The following DLL3 variants were observed in gnomAD, a reference collection of about 807,000 sequenced individuals.
DLL3 encodes delta-like protein 3.
Under a neutral mutation model 55.0 loss-of-function variants are expected in DLL3, and 49 were observed. That is an observed-to-expected ratio of 0.89 (90% CI 0.71 to 1.13). DLL3 has a LOEUF of 1.13. Among genes scored for constraint, DLL3 ranks in the 50% most tolerant of loss-of-function variants. The probability of loss-of-function intolerance (pLI) is 0.00; values close to 1 mark genes in which losing one functional copy is unlikely to be tolerated. For synonymous variants in DLL3, 421 were observed against 385.2 expected, an observed-to-expected ratio of 1.09 and a Z score of -1.09; for missense variants, 962 against 875.5, an observed-to-expected ratio of 1.10 and a Z score of -1.25.
chr19:39,505,677 T>C (rs2079636551), intron 6 of DLL3: 1 of 559,422 alleles, frequency 1.8e-6, no homozygotes, highest in Non-Finnish European at 3.2e-6. Context: ...GCACTGAGGA[T>C]ACAGCAGGGA....
At chr19:39,505,132 CTG>C (rs1375357526) in intron 5 of DLL3, 95 bp from the exon 6 acceptor site, 1 of 1,298,026 alleles carries the variant, frequency 7.7e-7, no homozygotes, top group Non-Finnish European at 1.1e-6. Flanking sequence ...GGACTTGAGA[CTG>C]GACAAGGAGC....
intron 3 of DLL3, among the ~76,000 whole-genome samples, chr19:39,502,256 C>A (rs1486585252): frequency 8.1e-6 from 1 of 123,786 alleles, no homozygotes; most frequent in Non-Finnish European, 1.9e-5. Flanking sequence ...TATGAGATAA[C>A]TGTTTATTTT....
At position 39,507,299 on chromosome 19, in the gene DLL3, G is replaced by A. The variant is rs776036444; in HGVS notation, c.1354G>A (p.Val452Ile). The change falls in exon 7 of 9, where the codon GTC (valine) becomes ATC (isoleucine). Residue 452 changes from valine to isoleucine, a missense_variant. Transcript: ENST00000356433. ...GRCYAHFSGL[V>I]CACAPGYMGA... The stretch of plus-strand genomic sequence containing the variant: ...CTGCTACGCCCACTTCTCCGGCCTC[G>A]TCTGCGCTTGCGCTCCCGGCTACAT... 104 of 1,552,622 alleles carry A rather than the reference G, an allele frequency of 6.7e-5. No homozygotes were observed. The East Asian group carries it at 2.4e-3, about 36-fold the overall frequency.
Position 39,502,881 on chromosome 19 carries a change from C to T in DLL3, c.476C>T (p.Ala159Val). The T allele has an allele frequency of 6.9e-7, 1 of 1,439,478 alleles. No homozygotes were observed. The highest frequency in any genetic ancestry group is 9.1e-7 in the Non-Finnish European group (1 of 1,102,334). The allele number at this position is 1,439,478 out of a possible 1,614,324, so 89.2% of individuals were successfully genotyped here. ...RRRLAAGGPW[A>V]RDIQRAGAWE... ...CGCTTGGCAGCCGGAGGCCCGTGGG[C>T]CCGGGACATTCAGCGCGCAGGCGCC... is the stretch of plus-strand genomic sequence containing the variant. The change falls in exon 4 of 9, where the codon GCC becomes GTC. Residue 159 changes from alanine to valine, a missense_variant. Physicochemically the swap from Ala to Val is moderately conservative, Grantham distance 64 (BLOSUM62 0). Transcript: ENST00000356433.
At chr19:39,503,604 C>A (rs2144760293) in intron 4 of DLL3, among the ~76,000 whole-genome samples, 1 of 152,308 alleles carries the variant, frequency 6.6e-6, no homozygotes, top group East Asian at 1.9e-4. Flanking sequence ...ATTCTTCAGA[C>A]TTCTCCCCAA....
At chr19:39,503,136 C>G (rs2079621053) in intron 4 of DLL3, 79 bp downstream of exon 4, 11 of 1,436,560 alleles carry the variant, frequency 7.7e-6, no homozygotes, top group Non-Finnish European at 1.0e-5. Context: ...GCCCCCAGTC[C>G]CCTCTCACAA....
intron 3 of DLL3, among the ~76,000 whole-genome samples, chr19:39,501,949 G>T (rs1331231052): frequency 6.6e-6 from 1 of 152,142 alleles, no homozygotes; most frequent in African/African-American, 2.4e-5. Context: ...ACTTTGGGAG[G>T]CCGAGGCGGG....
Position 39,500,725 on chromosome 19 carries a change from C to T in DLL3, c.409+53C>T, listed in dbSNP as rs1421763738. 87 of 1,523,502 alleles carry T rather than the reference C, an allele frequency of 5.7e-5. No individual in the cohort carries two copies. In the South Asian group the frequency reaches 6.6e-4, roughly 12 times the overall value. The allele number at this position is 1,523,502 out of a possible 1,614,324, so 94.4% of individuals were successfully genotyped here. A position where few individuals can be genotyped will look rare whatever the true frequency, so the allele number is the denominator to read the frequency against. The stretch of plus-strand genomic sequence containing the variant: ...GGGGAGCTGGGGCCCACGTGAGACA[C>T]GGGGTTGGTGGTGTTATCTATAGGT... On this transcript the variant is annotated intron_variant, in intron 3 of 8. Coordinates refer to ENST00000356433, the MANE Select transcript of DLL3 (RefSeq NM_203486.3).
chr19:39,503,042 G>GA lies in DLL3; in HGVS notation c.639dup (p.Cys214MetfsTer2). 1.3e-6 allele frequency: 2 copies of GA among 1,521,288 alleles called. No individual in the cohort carries two copies. Among genetic ancestry groups the GA allele is most frequent in the Non-Finnish European group, 1.8e-6 (2 of 1,141,126 alleles). 94.2% of individuals were successfully genotyped at this position (1,521,288 alleles called of 1,614,324 possible). ...GCGCCCCTGCGCACCGCTCGAGGAC[G>GA]AATGTGAGGCGCCGCGTGAGTCCTG... On this transcript the variant is annotated frameshift_variant, in exon 4 of 9. Transcript: ENST00000356433. LOFTEE classifies it high-confidence loss of function.
At position 39,498,958 on chromosome 19, in the gene DLL3, C is replaced by A. The variant is rs2079592372; in HGVS notation, c.-17C>A. 3 of 1,613,888 alleles carry A rather than the reference C, an allele frequency of 1.9e-6. No homozygotes were observed. Among genetic ancestry groups the A allele is most frequent in the Non-Finnish European group, 2.5e-6 (3 of 1,179,950 alleles). On this transcript the variant is annotated 5_prime_UTR_variant, in exon 1 of 9. Coordinates refer to ENST00000356433, the MANE Select transcript of DLL3 (RefSeq NM_203486.3). Reference sequence around the variant, plus strand: ...AGCCAGCAGCTGCGACTCCCGAGACCCCCCCACCAGAAGGCCATGGTCTCC... The same window carrying A: ...AGCCAGCAGCTGCGACTCCCGAGACACCCCCACCAGAAGGCCATGGTCTCC...
chr19:39,505,191 A>G (rs1419307834), intron 5 of DLL3, 38 bp from the exon 6 acceptor site: 1 of 1,606,834 alleles, frequency 6.2e-7, no homozygotes. Context: ...TTTTTCTCCA[A>G]GGAAACACCC....
In DLL3 at chr19:39,508,300, T is replaced by C. The variant is rs779826940; in HGVS notation, c.*43T>C. On this transcript the variant is annotated 3_prime_UTR_variant, in exon 9 of 9. Coordinates refer to ENST00000356433, the MANE Select transcript of DLL3 (RefSeq NM_203486.3). ...CACCTGGAGTCAGAGCGTGGATTTT[T>C]GTATTTGCTCGGTGGTGCCCAGTCT... The C allele has an allele frequency of 1.2e-6, 2 of 1,612,226 alleles. No individual in the cohort carries two copies. Among genetic ancestry groups the C allele is most frequent in the African/African-American group, 2.7e-5 (2 of 74,890 alleles).
rs1372730837 is a variant in DLL3, at chr19:39,507,260, G to C, written c.1315G>C (p.Ala439Pro). The part of the protein sequence containing the change: ...RADPCAARPC[A>P]HGGRCYAHFS... ...GGACCCGTGCGCCGCGCGCCCCTGTGCTCACGGCGGCCGCTGCTACGCCCA... is the reference window on the plus strand; with the variant it reads ...GGACCCGTGCGCCGCGCGCCCCTGTCCTCACGGCGGCCGCTGCTACGCCCA... The change falls in exon 7 of 9, where the codon GCT becomes CCT. Residue 439 changes from alanine (A) to proline (P), a missense_variant. Coordinates refer to ENST00000356433, the MANE Select transcript of DLL3 (RefSeq NM_203486.3). The C allele has an allele frequency of 1.3e-6, 2 of 1,528,846 alleles. No individual in the cohort carries two copies. Among genetic ancestry groups the C allele is most frequent in the Non-Finnish European group, 1.7e-6 (2 of 1,144,162 alleles). 94.7% of individuals were successfully genotyped at this position (1,528,846 alleles called of 1,614,324 possible). A position where few individuals can be genotyped will look rare whatever the true frequency, so the allele number is the denominator to read the frequency against.
At position 39,505,272 on chromosome 19, in the gene DLL3, ACGGGCTG is replaced by A. The variant is rs778821687; in HGVS notation, c.918_924del (p.Leu307ValfsTer3). On this transcript the variant is annotated frameshift_variant, in exon 6 of 9. Transcript: ENST00000356433. LOFTEE classifies it high-confidence loss of function. Reference sequence around the variant, plus strand: ...GAATGCACCTGCCCGCGTGGGTTCTACGGGCTGCGGTGTGAGGTGAGCGGGGTGACAT... The same window carrying A: ...GAATGCACCTGCCCGCGTGGGTTCTACGGTGTGAGGTGAGCGGGGTGACAT... 6.2e-7 allele frequency: 1 copy of A among 1,614,184 alleles called. No individual in the cohort carries two copies. Among genetic ancestry groups the A allele is most frequent in the Non-Finnish European group, 8.5e-7 (1 of 1,180,026 alleles).
At chr19:39,500,193 C>G (rs774053307) in intron 2 of DLL3, among the ~76,000 whole-genome samples, 122 of 151,028 alleles carry the variant, frequency 8.1e-4, no homozygotes, top group Middle Eastern at 3.4e-3. Context: ...TTTGGGAGGT[C>G]TAGGCAGGAG....
At position 39,508,308 on chromosome 19, in the gene DLL3, C is replaced by G. The variant is rs2079657278; in HGVS notation, c.*51C>G. On this transcript the variant is annotated 3_prime_UTR_variant, in exon 9 of 9. Transcript: ENST00000356433. ...GTCAGAGCGTGGATTTTTGTATTTGCTCGGTGGTGCCCAGTCTCTGCCCCA... is the reference window on the plus strand; with the variant it reads ...GTCAGAGCGTGGATTTTTGTATTTGGTCGGTGGTGCCCAGTCTCTGCCCCA... 6.2e-7 allele frequency: 1 copy of G among 1,604,700 alleles called. No homozygotes were observed. Among genetic ancestry groups the G allele is most frequent in the African/African-American group, 1.3e-5 (1 of 74,714 alleles).
chr19:39,500,879 G>GGGAA (rs1216175917), intron 3 of DLL3, among the ~76,000 whole-genome samples: 10 of 145,534 alleles, frequency 6.9e-5, no homozygotes, highest in African/African-American at 1.5e-4. Flanking sequence ...GACGAAGTAG[G>GGGAA]GGAAGCTCTC....
Position 39,507,190 on chromosome 19 carries a change from C to T in DLL3, c.1245C>T (p.Cys415=). ...TGGAGGGCGGCGGCGCGCACCGCTG[C>T]TCCTGCGCGCTGGGCTTCGGCGGCC... The part of the protein sequence containing the change: ...TCVEGGGAHR[C]SCALGFGGRD... The change falls in exon 7 of 9, where the codon TGC becomes TGT. Residue 415 remains cysteine (C), a synonymous_variant. Coordinates refer to ENST00000356433, the MANE Select transcript of DLL3 (RefSeq NM_203486.3). The T allele has an allele frequency of 7.6e-7, 1 of 1,322,178 alleles. No homozygotes were observed. Among genetic ancestry groups the T allele is most frequent in the South Asian group, 2.2e-5 (1 of 45,802 alleles). The allele number at this position is 1,322,178 out of a possible 1,614,324, so 81.9% of individuals were successfully genotyped here.
In DLL3 at chr19:39,499,178, C is replaced by G. The variant is rs1226046410; in HGVS notation, c.70-14C>G. On this transcript the variant is annotated splice_polypyrimidine_tract_variant and intron_variant, in intron 1 of 8. Transcript: ENST00000356433. ...CCTCCCGGCCGCCTCACCCTGCGCC[C>G]GTCTCCGTCCCAGACACGGCCCGCT... 3 of 1,588,414 alleles carry G rather than the reference C, an allele frequency of 1.9e-6. No homozygotes were observed. The highest frequency in any genetic ancestry group is 2.7e-5 in the African/African-American group (2 of 74,288).
Sources: gnomAD v4.1 joint callset for allele counts (sites outside exome capture counted in the v4.1 genomes callset) on GRCh38, gnomAD v4.1.1 for gene constraint, MANE v1.5 for transcripts, NCBI Gene and HGNC (gene_info 2026-07-23, HGNC 2026-07-21) for gene names.